Variants in MEGF11 observed in about 807,000 individuals in gnomAD.
MEGF11 encodes multiple EGF like domains 11, also known as multiple epidermal growth factor-like domains protein 11.
In MEGF11, 126 loss-of-function variants were observed where a neutral mutation model predicts 146.6. The ratio of observed to expected loss-of-function variants is 0.86; its 90% confidence interval spans 0.74 to 1.00. The LOEUF (loss-of-function observed/expected upper bound fraction) is 1.00, where lower values mean the gene tolerates loss of function less well. MEGF11 is among the 50% of genes least tolerant of loss of function. The probability of loss-of-function intolerance (pLI) is 0.00; values close to 1 mark genes in which losing one functional copy is unlikely to be tolerated. For synonymous variants in MEGF11, 532 were observed against 583.4 expected, an observed-to-expected ratio of 0.91 and a Z score of 1.27; for missense variants, 1,509 against 1,521.2, an observed-to-expected ratio of 0.99 and a Z score of 0.13.
intron 1 of MEGF11, among the ~76,000 whole-genome samples, chr15:66,151,995 A>G (rs1014541131): frequency 3.3e-5 from 5 of 152,210 alleles, no homozygotes; most frequent in Admixed American, 1.3e-4. Context: ...ATGCAGCAGC[A>G]CCGCCCTTCA....
At chr15:65,901,022 G>A (rs986011797) in intron 24 of MEGF11, among the ~76,000 whole-genome samples, 4 of 152,168 alleles carry the variant, frequency 2.6e-5, no homozygotes, top group Admixed American at 2.6e-4. Flanking sequence ...ATTAGATGTC[G>A]ACAAGGATGG....
In MEGF11 at chr15:65,965,140, G is replaced by C; in HGVS notation, c.900-20C>G. On this transcript the variant is annotated intron_variant, in intron 8 of 25. Transcript: ENST00000395614. ...TGGCACCTGTGGGAGAGCAGAGTGG[G>C]GCTGAGGCTGTGGGCCAGGATCCCT... 6.4e-7 allele frequency: 1 copy of C among 1,550,806 alleles called. No individual in the cohort carries two copies. The highest frequency in any genetic ancestry group is 8.8e-7 in the Non-Finnish European group (1 of 1,140,140).
chr15:65,930,846 T>G lies in MEGF11; in HGVS notation c.1385A>C (p.Asp462Ala). ...CNNGGTCSPV[D>A]GSCTCKEGWQ... ...ACCTTCCTTGCAGGTACAGGAGCCA[T>G]CTACTGGGGAGCAGGTGCCACCATT... The change falls in exon 11 of 26, where the codon GAT becomes GCT. Residue 462 changes from aspartate (D) to alanine (A), a missense_variant. By Grantham distance (126) the Asp-to-Ala change is moderately radical. Transcript: ENST00000395614. 6.2e-7 allele frequency: 1 copy of G among 1,610,708 alleles called. No homozygotes were observed.
intron 1 of MEGF11, among the ~76,000 whole-genome samples, chr15:66,246,721 G>T (rs1225846562): frequency 6.6e-6 from 1 of 152,158 alleles, no homozygotes. Flanking sequence ...TTAGGTGGGA[G>T]AATCGTTTGA....
Position 66,160,664 on chromosome 15 carries a change from G to GACACACAC in MEGF11, c.-8-32261_-8-32254dup, listed in dbSNP as rs3221608. On this transcript the variant is annotated intron_variant, in intron 1 of 25. Coordinates refer to ENST00000395614, the MANE Select transcript of MEGF11 (RefSeq NM_001385028.1). ...CAGGCACTGCTCTAGGCCCTAAGGG[G>GACACACAC]ACACACACACACACACACACACACA... is the stretch of plus-strand genomic sequence containing the variant. Among the ~76,000 whole-genome samples the GACACACAC allele has an allele frequency of 9.7e-3, 1,333 of 137,572 alleles. 14 individuals are homozygous for GACACACAC. The highest frequency in any genetic ancestry group is 0.023 in the South Asian group (96 of 4,110). 90.3% of individuals were successfully genotyped at this position (137,572 alleles called of 152,430 possible). A position where few individuals can be genotyped will look rare whatever the true frequency, so the allele number is the denominator to read the frequency against.
intron 1 of MEGF11, among the ~76,000 whole-genome samples, chr15:66,251,018 AC>A (rs1383220393): frequency 6.6e-6 from 1 of 152,120 alleles, no homozygotes; most frequent in Non-Finnish European, 1.5e-5. Flanking sequence ...TGCCCATCTG[AC>A]CCCACCACAC....
At chr15:66,053,251 A>G (rs2084524696) in intron 5 of MEGF11, among the ~76,000 whole-genome samples, 1 of 152,226 alleles carries the variant, frequency 6.6e-6, no homozygotes, top group African/African-American at 2.4e-5. Flanking sequence ...TGTTTTCCAC[A>G]ATGCTTAGCA....
At chr15:66,008,439 A>ATG (rs1567199792) in intron 5 of MEGF11, among the ~76,000 whole-genome samples, 12 of 149,398 alleles carry the variant, frequency 8.0e-5, no homozygotes, top group Admixed American at 2.0e-4. Context: ...ACACACACAC[A>ATG]CACACACACA....
rs775148331 is a variant in MEGF11, at chr15:65,898,763, G to C, written c.3227C>G (p.Ser1076Cys). The change falls in exon 25 of 26, where the codon TCC (serine) becomes TGC (cysteine). Residue 1076 changes from serine (S) to cysteine (C), a missense_variant. Ser to Cys is a moderately radical substitution (Grantham distance 112). Transcript: ENST00000395614. ...HMGSPYTDVPSLSTSNKNIYE... is the reference protein window; with the variant it reads ...HMGSPYTDVPCLSTSNKNIYE... ...TATATTTTTATTAGATGTCGACAAG[G>C]ATGGCACATCTGTGTACGGAGACCC... The C allele has an allele frequency of 7.4e-6, 12 of 1,613,916 alleles. No individual in the cohort carries two copies. In the South Asian group the frequency reaches 1.3e-4, roughly 18 times the overall value.
chr15:65,969,511 T>G (rs997851577), intron 8 of MEGF11, among the ~76,000 whole-genome samples: 5 of 152,144 alleles, frequency 3.3e-5, no homozygotes, highest in African/African-American at 1.2e-4. Flanking sequence ...CAGATCTGGC[T>G]TAAAAGACTT....
chr15:66,134,772 G>C (rs553840137), intron 1 of MEGF11, among the ~76,000 whole-genome samples: 2 of 152,386 alleles, frequency 1.3e-5, no homozygotes, highest in South Asian at 4.1e-4. Flanking sequence ...GCCTCTCACG[G>C]GAGCTGAGCT....
chr15:65,983,895 G>A (rs1278773951), intron 5 of MEGF11, among the ~76,000 whole-genome samples: 1 of 152,208 alleles, frequency 6.6e-6, no homozygotes, highest in Non-Finnish European at 1.5e-5. Context: ...TTCCAGTGTG[G>A]CCAGTAAGTG....
intron 1 of MEGF11, among the ~76,000 whole-genome samples, chr15:66,232,402 T>C (rs1248535996): frequency 6.6e-6 from 1 of 152,202 alleles, no homozygotes; most frequent in African/African-American, 2.4e-5. Flanking sequence ...TGGAATCAGC[T>C]GTGCTGCGAG....
intron 1 of MEGF11, among the ~76,000 whole-genome samples, chr15:66,142,337 G>A (rs954211204): frequency 7.9e-5 from 12 of 152,324 alleles, no homozygotes; most frequent in East Asian, 5.8e-4. Flanking sequence ...AGCAGTAGCC[G>A]TGGCAACATC....
At chr15:66,121,729 A>G (rs1723163270) in intron 3 of MEGF11, among the ~76,000 whole-genome samples, 2 of 152,214 alleles carry the variant, frequency 1.3e-5, no homozygotes, top group Admixed American at 1.3e-4. Context: ...TCTTTGTAAA[A>G]TCCCTGCCCA....
intron 24 of MEGF11, among the ~76,000 whole-genome samples, chr15:65,904,318 GT>G (rs2141149504): frequency 6.6e-6 from 1 of 152,270 alleles, no homozygotes; most frequent in South Asian, 2.1e-4. Flanking sequence ...ACTGTTCTTT[GT>G]TTTCAGCCTT....
At chr15:66,131,848 C>A (rs1192981236) in intron 1 of MEGF11, among the ~76,000 whole-genome samples, 4 of 152,200 alleles carry the variant, frequency 2.6e-5, no homozygotes, top group Admixed American at 6.5e-5. Flanking sequence ...TGGAACTCTT[C>A]CCAGTGACAC....
Position 65,944,905 on chromosome 15 carries a change from T to G in MEGF11, c.1287+12642A>C, listed in dbSNP as rs553000848. Among the ~76,000 whole-genome samples, 16 of 150,966 alleles carry G rather than the reference T, an allele frequency of 1.1e-4. No individual in the cohort carries two copies. In the East Asian group the frequency reaches 2.5e-3, roughly 24 times the overall value. ...ACTCATATAAACTCTCAGGTTTTTT[T>G]TTTTTTTTTTTGAGATGGAGTCTCA... is the stretch of plus-strand genomic sequence containing the variant. On this transcript the variant is annotated intron_variant, in intron 10 of 25. Coordinates refer to ENST00000395614, the MANE Select transcript of MEGF11 (RefSeq NM_001385028.1).
intron 10 of MEGF11, among the ~76,000 whole-genome samples, chr15:65,954,254 G>C (rs1277453403): frequency 2.0e-5 from 3 of 152,164 alleles, no homozygotes; most frequent in African/African-American, 7.2e-5. Context: ...CACAAACCAA[G>C]CAACCAACAA....
Sources: gnomAD v4.1 joint callset for allele counts (sites outside exome capture counted in the v4.1 genomes callset) on GRCh38, gnomAD v4.1.1 for gene constraint, MANE v1.5 for transcripts, NCBI Gene and HGNC (gene_info 2026-07-23, HGNC 2026-07-21) for gene names.